The following NALCN variants were observed in gnomAD, a reference collection of about 807,000 sequenced individuals.
NALCN encodes the protein sodium leak channel NALCN.
A neutral mutation model predicts 225.3 loss-of-function variants in NALCN; 111 were observed. The ratio of observed to expected loss-of-function variants is 0.49; its 90% CI spans 0.42 to 0.58. The LOEUF (loss-of-function observed/expected upper bound fraction) is 0.58, where lower values mean the gene tolerates loss of function less well. Among genes scored for constraint, NALCN ranks in the 20% least tolerant of loss-of-function variants. The pLI is 0.00. For missense variants in NALCN, 1,378 were observed against 2,202.4 expected (o/e 0.63, Z 7.49); for synonymous variants, 764 against 769.0 (o/e 0.99, Z 0.11).
intron 3 of NALCN, among the ~76,000 whole-genome samples, chr13:101,394,555 T>C (rs1357842334): frequency 1.3e-5 from 2 of 152,216 alleles, no homozygotes; most frequent in Non-Finnish European, 2.9e-5. Flanking sequence ...TAAAGATTAG[T>C]GCTATGGAAG....
intron 14 of NALCN, among the ~76,000 whole-genome samples, chr13:101,187,813 G>C (rs1211279634): frequency 1.3e-5 from 2 of 152,178 alleles, no homozygotes; most frequent in African/African-American, 4.8e-5. Flanking sequence ...TATAGAGCAG[G>C]AGTCCACAGT....
intron 7 of NALCN, among the ~76,000 whole-genome samples, chr13:101,332,445 G>A (rs934284392): frequency 1.4e-5 from 2 of 142,154 alleles, no homozygotes; most frequent in African/African-American, 5.3e-5. Context: ...TTCGACTCAC[G>A]GTAGGCTTGT....
intron 7 of NALCN, among the ~76,000 whole-genome samples, chr13:101,305,741 G>C (rs2044132470): frequency 6.6e-6 from 1 of 152,140 alleles, no homozygotes; most frequent in Admixed American, 6.5e-5. Flanking sequence ...ATTTATAAAA[G>C]TTTGTCCAAA....
In NALCN at chr13:101,070,065, T is replaced by TC. The variant is rs796260648; in HGVS notation, c.4198-1239_4198-1238insG. Among the ~76,000 whole-genome samples, 52 of 115,358 alleles carry TC rather than the reference T, an allele frequency of 4.5e-4. 3 individuals carry two copies. The highest frequency in any genetic ancestry group is 1.3e-3 in the African/African-American group (31 of 23,026). The allele number at this position is 115,358 out of a possible 152,430, so 75.7% of individuals were successfully genotyped here. On this transcript the variant is annotated intron_variant, in intron 37 of 43. Transcript: ENST00000251127. ...ACCTCCTTCCATGAATCATGAATGTTTTTTTTTTTTTTTTTTTTTGAGACG... is the reference window on the plus strand; with the variant it reads ...ACCTCCTTCCATGAATCATGAATGTTCTTTTTTTTTTTTTTTTTTTGAGACG...
At chr13:101,320,933 A>C (rs517177) in intron 7 of NALCN, among the ~76,000 whole-genome samples, 1 of 151,958 alleles carries the variant, frequency 6.6e-6, no homozygotes, top group Non-Finnish European at 1.5e-5. Context: ...GTTAGAAGAA[A>C]GGGCAATGAG....
At chr13:101,396,199 A>AAT (rs2047287997) in intron 2 of NALCN, among the ~76,000 whole-genome samples, 1 of 152,072 alleles carries the variant, frequency 6.6e-6, no homozygotes. Flanking sequence ...TGTTAACATG[A>AAT]ATATATATAC....
At chr13:101,196,598 T>A (rs181817876) in intron 13 of NALCN, among the ~76,000 whole-genome samples, 1 of 152,116 alleles carries the variant, frequency 6.6e-6, no homozygotes, top group Admixed American at 6.5e-5. Flanking sequence ...TTTTCTTCTC[T>A]GTGTTTTACT....
chr13:101,270,389 T>C (rs1594571145), intron 10 of NALCN, among the ~76,000 whole-genome samples: 1 of 152,218 alleles, frequency 6.6e-6, no homozygotes, highest in Non-Finnish European at 1.5e-5. Context: ...TATGTTCATC[T>C]TTTATTTTTA....
chr13:101,182,205 C>CT (rs2139967307), intron 14 of NALCN, among the ~76,000 whole-genome samples: 1 of 142,596 alleles, frequency 7.0e-6, no homozygotes, highest in Admixed American at 7.0e-5. Context: ...CTGGTATATA[C>CT]TTTTTCCTTG....
intron 3 of NALCN, among the ~76,000 whole-genome samples, chr13:101,387,617 TA>T (rs2047034008): frequency 6.6e-6 from 1 of 152,212 alleles, no homozygotes; most frequent in Admixed American, 6.5e-5. Context: ...ACTGCAGTGC[TA>T]TTGGCAAATG....
chr13:101,357,392 A>G (rs1447510029), intron 6 of NALCN, among the ~76,000 whole-genome samples: 1 of 152,154 alleles, frequency 6.6e-6, no homozygotes, highest in Non-Finnish European at 1.5e-5. Context: ...CACCAAAAAT[A>G]CACAAGCAGA....
chr13:101,103,766 A>G lies in NALCN; in HGVS notation c.2890-427T>C, dbSNP rs535583512. On this transcript the variant is annotated intron_variant, in intron 25 of 43. Coordinates refer to ENST00000251127, the MANE Select transcript of NALCN (RefSeq NM_052867.4). ...ACATTGATTTCATGCCTCCTTGGACATACAGGAAAAATAAAAAATTCTCTG... is the reference window on the plus strand; with the variant it reads ...ACATTGATTTCATGCCTCCTTGGACGTACAGGAAAAATAAAAAATTCTCTG... 3.3e-5 allele frequency among the ~76,000 whole-genome samples: 5 copies of G among 152,288 alleles called. No homozygotes were observed. In the South Asian group the frequency reaches 1.0e-3, roughly 32 times the overall value.
intron 6 of NALCN, among the ~76,000 whole-genome samples, chr13:101,360,189 C>CCTCTCTCTCTCTCTCTCTCTCTCTCTCT (rs759523803): frequency 1.1e-5 from 1 of 89,242 alleles, no homozygotes; most frequent in Non-Finnish European, 2.3e-5. Context: ...TTCCTCTCTT[C>CCTCTCTCTCTCTCTCTCTCTCTCTCTCT]CTCTCTCTCT....
At chr13:101,370,508 C>A (rs1219840103) in intron 6 of NALCN, among the ~76,000 whole-genome samples, 4 of 152,104 alleles carry the variant, frequency 2.6e-5, no homozygotes. Context: ...AAATATGACC[C>A]CATGTGTAAA....
rs1048125615 is a variant in NALCN, at chr13:101,193,593, G to T, written c.1627-1539C>A. Among the ~76,000 whole-genome samples the T allele has an allele frequency of 2.0e-5, 3 of 152,088 alleles. No homozygotes were observed. The South Asian group carries it at 6.2e-4, about 32-fold the overall frequency. On this transcript the variant is annotated intron_variant, in intron 13 of 43. Transcript: ENST00000251127. ...TGTTTTGTTCATGAAAATATGAAGC[G>T]TGTTGTTATTGATACTTGACCGCAC... is the stretch of plus-strand genomic sequence containing the variant.
intron 28 of NALCN, among the ~76,000 whole-genome samples, chr13:101,092,114 G>A (rs949061610): frequency 6.6e-6 from 1 of 152,052 alleles, no homozygotes; most frequent in African/African-American, 2.4e-5. Context: ...GAATTGAAAA[G>A]GTTGTCATTT....
At position 101,054,477 on chromosome 13, in the gene NALCN, T is replaced by A. The variant is rs1196251656; in HGVS notation, c.*818A>T. The stretch of plus-strand genomic sequence containing the variant: ...CATGCAAAGATTTTTTTAAATAAAT[T>A]GAGCTATATAGTTTTATTCTTTTTG... On this transcript the variant is annotated 3_prime_UTR_variant, in exon 44 of 44. Transcript: ENST00000251127. 6.6e-6 allele frequency: 1 copy of A among 152,206 alleles called. No homozygotes were observed. The highest frequency in any genetic ancestry group is 1.5e-5 in the Non-Finnish European group (1 of 68,036). 9.4% of individuals were successfully genotyped at this position (152,206 alleles called of 1,614,324 possible).
At chr13:101,315,577 T>C (rs1349073764) in intron 7 of NALCN, among the ~76,000 whole-genome samples, 1 of 152,188 alleles carries the variant, frequency 6.6e-6, no homozygotes, top group Non-Finnish European at 1.5e-5. Context: ...ATTTAAGATA[T>C]AAACAGCAGA....
At chr13:101,116,716 T>C (rs1214548271) in intron 18 of NALCN, 2 of 370,056 alleles carry the variant, frequency 5.4e-6, no homozygotes, top group Non-Finnish European at 1.1e-5. Context: ...CAGTATAACT[T>C]TGCAGAGCAT....
Sources: allele counts gnomAD v4.1 joint callset (sites outside exome capture counted in the v4.1 genomes callset), GRCh38; gene constraint gnomAD v4.1.1; transcripts MANE v1.5; gene names NCBI Gene and HGNC (gene_info 2026-07-23, HGNC 2026-07-21).